ROBO1: variants seen among roughly 807,000 people sequenced by gnomAD.
The protein encoded by ROBO1 is roundabout guidance receptor 1.
Under a neutral mutation model 195.9 loss-of-function variants are expected in ROBO1, and 149 were observed. The ratio of observed to expected loss-of-function variants is 0.76; its 90% CI spans 0.67 to 0.87. ROBO1 has a LOEUF of 0.87. Among genes scored for constraint, ROBO1 ranks in the 40% least tolerant of loss-of-function variants. The probability of loss-of-function intolerance (pLI) is 0.00; values close to 1 mark genes in which losing one functional copy is unlikely to be tolerated. For synonymous variants in ROBO1, 816 were observed against 733.2 expected (o/e 1.11, Z -1.82); for missense variants, 1,933 against 2,068.3 (o/e 0.93, Z 1.27).
intron 2 of ROBO1, among the ~76,000 whole-genome samples, chr3:79,407,090 T>G (rs1040204329): frequency 1.3e-5 from 2 of 151,960 alleles, no homozygotes; most frequent in African/African-American, 2.4e-5. Flanking sequence ...TGCTAATTTT[T>G]TGTGTGTGTG....
chr3:79,497,428 T>C (rs942275148), intron 2 of ROBO1, among the ~76,000 whole-genome samples: 2 of 152,148 alleles, frequency 1.3e-5, no homozygotes, highest in African/African-American at 4.8e-5. Context: ...ATAATATCTT[T>C]TTTGTTTTGT....
intron 2 of ROBO1, among the ~76,000 whole-genome samples, chr3:79,377,820 C>T (rs543575996): frequency 1.1e-4 from 16 of 152,222 alleles, no homozygotes; most frequent in Non-Finnish European, 1.0e-4. Context: ...GTGAGTGATA[C>T]GGTCGTGCTA....
At chr3:79,370,451 G>A (rs1280935717) in intron 2 of ROBO1, among the ~76,000 whole-genome samples, 1 of 151,882 alleles carries the variant, frequency 6.6e-6, no homozygotes, top group African/African-American at 2.4e-5. Flanking sequence ...CTATGCATGG[G>A]TAAGACAATT....
chr3:79,008,747 C>T, intron 3 of ROBO1, among the ~76,000 whole-genome samples: 1 of 115,730 alleles, frequency 8.6e-6, no homozygotes, highest in Non-Finnish European at 1.7e-5. Context: ...CACCACTACA[C>T]CATGCTAATT....
chr3:78,742,225 C>T (rs1403897474), intron 5 of ROBO1, among the ~76,000 whole-genome samples: 1 of 152,090 alleles, frequency 6.6e-6, no homozygotes, highest in Non-Finnish European at 1.5e-5. Flanking sequence ...AATTGTCTTT[C>T]ATAACGATAT....
At chr3:79,008,888 C>CGTGT (rs375134341) in intron 3 of ROBO1, among the ~76,000 whole-genome samples, 45,522 of 120,960 alleles carry the variant, frequency 0.38, 9,217 homozygotes, top group South Asian at 0.42. Context: ...TGCACCCAGC[C>CGTGT]GTGTGTGTGT....
At chr3:78,848,821 C>A (rs1260042326) in intron 4 of ROBO1, among the ~76,000 whole-genome samples, 2 of 152,156 alleles carry the variant, frequency 1.3e-5, no homozygotes, top group Admixed American at 6.6e-5. Flanking sequence ...AGAAGCATCA[C>A]TCTAGCTGCC....
chr3:78,900,686 T>C (rs1196842137), intron 4 of ROBO1, among the ~76,000 whole-genome samples: 3 of 152,156 alleles, frequency 2.0e-5, no homozygotes, highest in Admixed American at 6.5e-5. Flanking sequence ...GTGCAGATGT[T>C]CAGCTATGAT....
intron 27 of ROBO1, 58 bp from the exon 28 acceptor site, chr3:78,614,858 C>T: frequency 2.1e-6 from 3 of 1,446,268 alleles, no homozygotes; most frequent in South Asian, 1.4e-5. Flanking sequence ...TTAATTACAA[C>T]AGGAACAACA....
intron 4 of ROBO1, among the ~76,000 whole-genome samples, chr3:78,921,963 T>C (rs963804774): frequency 2.0e-5 from 3 of 152,060 alleles, no homozygotes; most frequent in Non-Finnish European, 2.9e-5. Flanking sequence ...TTTTTTCTTA[T>C]TTTAGTAGAG....
Position 78,683,191 on chromosome 3 carries a change from A to T in ROBO1, c.1342+2555T>A, listed in dbSNP as rs1322318647. On this transcript the variant is annotated intron_variant, in intron 10 of 30. Coordinates refer to ENST00000464233, the MANE Select transcript of ROBO1 (RefSeq NM_002941.4). ...AAACACCTAGGTATAAATGTACCAA[A>T]ATATGTGCAAAGCCTTTAGTCTTGA... 3.3e-5 allele frequency among the ~76,000 whole-genome samples: 5 copies of T among 152,126 alleles called. No individual in the cohort carries two copies. The East Asian group carries it at 9.7e-4, about 29-fold the overall frequency.
intron 4 of ROBO1, among the ~76,000 whole-genome samples, chr3:78,930,395 A>G (rs574487549): frequency 1.3e-5 from 2 of 152,316 alleles, no homozygotes; most frequent in African/African-American, 4.8e-5. Flanking sequence ...AACCCAGTAC[A>G]CTGGCCACAT....
chr3:78,618,156 A>G (rs1446326026), intron 26 of ROBO1, 115 bp from the exon 27 acceptor site: 5 of 1,119,202 alleles, frequency 4.5e-6, no homozygotes, highest in Admixed American at 6.1e-5. Flanking sequence ...TTTTGAGCTC[A>G]TATGTTCAGA....
chr3:79,115,653 A>G (rs1201520010), intron 3 of ROBO1, among the ~76,000 whole-genome samples: 1 of 152,168 alleles, frequency 6.6e-6, no homozygotes, highest in East Asian at 1.9e-4. Flanking sequence ...AGCCATCAAT[A>G]TGATGCAATA....
chr3:79,584,330 T>G (rs963985954), intron 2 of ROBO1, among the ~76,000 whole-genome samples: 1 of 149,938 alleles, frequency 6.7e-6, no homozygotes, highest in Admixed American at 6.7e-5. Flanking sequence ...AAAGTACTGT[T>G]GAGCAGTTTT....
At chr3:79,492,212 G>T (rs1939498163) in intron 2 of ROBO1, among the ~76,000 whole-genome samples, 1 of 152,004 alleles carries the variant, frequency 6.6e-6, no homozygotes, top group Non-Finnish European at 1.5e-5. Context: ...ATCACCTCAG[G>T]TCAGGAGTTT....
chr3:78,901,467 G>A (rs934239492), intron 4 of ROBO1, among the ~76,000 whole-genome samples: 2 of 152,178 alleles, frequency 1.3e-5, no homozygotes, highest in Non-Finnish European at 2.9e-5. Context: ...AAATATAAAA[G>A]AGGAGCAATG....
intron 2 of ROBO1, among the ~76,000 whole-genome samples, chr3:79,467,049 G>A (rs1275198554): frequency 5.3e-5 from 8 of 152,102 alleles, no homozygotes; most frequent in African/African-American, 1.9e-4. Flanking sequence ...GAAGAGACAC[G>A]TGGCACTAGT....
chr3:78,714,341 C>A, intron 8 of ROBO1, 56 bp downstream of exon 8: 1 of 1,547,136 alleles, frequency 6.5e-7, no homozygotes, highest in East Asian at 2.3e-5. Flanking sequence ...CTTCAATTAT[C>A]AGCACTATAT....
Sources: allele counts gnomAD v4.1 joint callset (sites outside exome capture counted in the v4.1 genomes callset), GRCh38; gene constraint gnomAD v4.1.1; transcripts MANE v1.5; gene names NCBI Gene and HGNC (gene_info 2026-07-23, HGNC 2026-07-21).